The following NR2F1-AS1 variants were observed in gnomAD, a reference collection of about 807,000 sequenced individuals.
NR2F1-AS1 encodes the protein NR2F1 antisense RNA 1.
chr5:93,561,815 T>C (rs1363303128), intron 2 of NR2F1-AS1, among the ~76,000 whole-genome samples: 8 of 152,044 alleles, frequency 5.3e-5, no homozygotes, highest in African/African-American at 1.9e-4. Flanking sequence ...TACACATACA[T>C]ATTTATGAAA....
chr5:93,585,515 C>G (rs746420132), upstream of NR2F1-AS1: 4 of 1,567,356 alleles, frequency 2.6e-6, no homozygotes, highest in Non-Finnish European at 3.5e-6. Flanking sequence ...CTTCTCTCCC[C>G]GCGCTTCGCC....
chr5:93,559,944 T>C (rs892768355), intron 2 of NR2F1-AS1, among the ~76,000 whole-genome samples: 1 of 152,142 alleles, frequency 6.6e-6, no homozygotes, highest in African/African-American at 2.4e-5. Flanking sequence ...GTTGAAAAAA[T>C]GGCACCAATA....
intron 4 of NR2F1-AS1, among the ~76,000 whole-genome samples, chr5:93,433,540 C>T (rs1425917643): frequency 6.6e-6 from 1 of 152,182 alleles, no homozygotes; most frequent in Admixed American, 6.5e-5. Context: ...CTGAGAAATG[C>T]ATTGTCAGGC....
chr5:93,581,742 CCCTCTCCCTCT>C (rs1180806027), upstream of NR2F1-AS1, among the ~76,000 whole-genome samples: 8 of 40,988 alleles, frequency 2.0e-4, 1 homozygote, highest in African/African-American at 9.3e-4. Flanking sequence ...CTCCCCCTCT[CCCTCTCCCTCT>C]CCCTCTCCTC....
chr5:93,564,692 A>G (rs183104727), intron 1 of NR2F1-AS1, among the ~76,000 whole-genome samples: 3 of 152,346 alleles, frequency 2.0e-5, no homozygotes, highest in Admixed American at 2.0e-4. Context: ...GTAATTTATT[A>G]AAGACCTGCT....
chr5:93,417,191 G>A (rs958120456), intron 4 of NR2F1-AS1, among the ~76,000 whole-genome samples: 3 of 152,152 alleles, frequency 2.0e-5, no homozygotes, highest in Non-Finnish European at 4.4e-5. Flanking sequence ...CTATTTATTA[G>A]CTCAGCAAAG....
chr5:93,497,084 G>A (rs1313092006), intron 4 of NR2F1-AS1, among the ~76,000 whole-genome samples: 1 of 151,936 alleles, frequency 6.6e-6, no homozygotes, highest in Admixed American at 6.6e-5. Flanking sequence ...AATACATTCA[G>A]TAAAGGCCTT....
intron 4 of NR2F1-AS1, among the ~76,000 whole-genome samples, chr5:93,526,728 A>G (rs954115545): frequency 1.3e-5 from 2 of 152,226 alleles, no homozygotes; most frequent in Non-Finnish European, 2.9e-5. Flanking sequence ...TCACATAAAC[A>G]GATCTGATGA....
intron 4 of NR2F1-AS1, among the ~76,000 whole-genome samples, chr5:93,444,458 A>G (rs902407102): frequency 1.3e-5 from 2 of 152,208 alleles, no homozygotes; most frequent in African/African-American, 2.4e-5. Flanking sequence ...AAACAAGGCC[A>G]TTATATAATT....
chr5:93,477,656 T>C (rs2149873478), intron 4 of NR2F1-AS1, among the ~76,000 whole-genome samples: 1 of 152,340 alleles, frequency 6.6e-6, no homozygotes, highest in East Asian at 1.9e-4. Context: ...TGAAATTTGC[T>C]ATCACCTGTA....
intron 4 of NR2F1-AS1, among the ~76,000 whole-genome samples, chr5:93,464,629 A>G (rs879436073): frequency 6.6e-6 from 1 of 152,210 alleles, no homozygotes; most frequent in Non-Finnish European, 1.5e-5. Context: ...TTTAGTAGGA[A>G]TATTCAGATA....
intron 4 of NR2F1-AS1, among the ~76,000 whole-genome samples, chr5:93,483,165 C>T (rs1750638854): frequency 6.6e-6 from 1 of 152,158 alleles, no homozygotes; most frequent in South Asian, 2.1e-4. Flanking sequence ...AGATATCTCC[C>T]AGCAAGGGTC....
At chr5:93,533,171 G>T (rs1751768749) in intron 4 of NR2F1-AS1, among the ~76,000 whole-genome samples, 1 of 152,066 alleles carries the variant, frequency 6.6e-6, no homozygotes, top group South Asian at 2.1e-4. Context: ...TGATCATTTT[G>T]GTGATTCCTT....
chr5:93,577,705 G>A (rs887722159), intron 1 of NR2F1-AS1, among the ~76,000 whole-genome samples: 1 of 152,142 alleles, frequency 6.6e-6, no homozygotes, highest in Non-Finnish European at 1.5e-5. Flanking sequence ...TGCCAGGGGA[G>A]ACTAATTGAT....
At chr5:93,582,953 G>T (rs555523082), upstream of NR2F1-AS1, among the ~76,000 whole-genome samples, 5 of 152,206 alleles carry the variant, frequency 3.3e-5, no homozygotes, top group East Asian at 1.9e-4. Context: ...CTAAGCGGGG[G>T]GGGGAGAAAG....
At chr5:93,477,752 CTCTA>C (rs1436996298) in intron 4 of NR2F1-AS1, among the ~76,000 whole-genome samples, 1 of 152,134 alleles carries the variant, frequency 6.6e-6, no homozygotes, top group Non-Finnish European at 1.5e-5. Flanking sequence ...CCCAAATGTA[CTCTA>C]TTATTCTTTC....
intron 4 of NR2F1-AS1, among the ~76,000 whole-genome samples, chr5:93,492,733 T>C (rs1345484289): frequency 6.6e-6 from 1 of 152,010 alleles, no homozygotes; most frequent in African/African-American, 2.4e-5. Flanking sequence ...TGGTTGAACA[T>C]ATGAAAATCA....
intron 4 of NR2F1-AS1, among the ~76,000 whole-genome samples, chr5:93,461,034 A>G (rs1750079196): frequency 6.6e-6 from 1 of 152,232 alleles, no homozygotes; most frequent in Admixed American, 6.5e-5. Flanking sequence ...ACATGCATGC[A>G]TATGTTCATT....
At chr5:93,448,597 G>A (rs981370935) in intron 4 of NR2F1-AS1, among the ~76,000 whole-genome samples, 1 of 152,110 alleles carries the variant, frequency 6.6e-6, no homozygotes, top group African/African-American at 2.4e-5. Flanking sequence ...TAAAGCATTG[G>A]CTCACATAAT....
Sources: gnomAD v4.1 joint callset for allele counts (sites outside exome capture counted in the v4.1 genomes callset) on GRCh38, gnomAD v4.1.1 for gene constraint, MANE v1.5 for transcripts, NCBI Gene and HGNC (gene_info 2026-07-23, HGNC 2026-07-21) for gene names.